Variants in SORCS1 observed in about 807,000 individuals in gnomAD.
SORCS1 encodes the protein sortilin related VPS10 domain containing receptor 1.
A neutral mutation model predicts 146.1 loss-of-function variants in SORCS1; 60 were observed. The ratio of observed to expected loss-of-function variants is 0.41; its 90% CI spans 0.33 to 0.51. The LOEUF is 0.51. SORCS1 is among the 20% of genes least tolerant of loss of function. SORCS1 has a pLI of 0.21. For synonymous variants in SORCS1, 637 were observed against 584.0 expected, an observed-to-expected ratio of 1.09 and a Z score of -1.31; for missense variants, 1,352 against 1,487.6, an observed-to-expected ratio of 0.91 and a Z score of 1.50.
chr10:106,989,616 T>C (rs1390660691), intron 1 of SORCS1, among the ~76,000 whole-genome samples: 3 of 151,464 alleles, frequency 2.0e-5, no homozygotes, highest in African/African-American at 7.3e-5. Context: ...TTTATATACA[T>C]TTATATAAAC....
chr10:107,151,032 A>G (rs1968752587), intron 1 of SORCS1, among the ~76,000 whole-genome samples: 1 of 152,242 alleles, frequency 6.6e-6, no homozygotes, highest in African/African-American at 2.4e-5. Flanking sequence ...AAAAATGTGG[A>G]AACAACTTTG....
At position 106,573,708 on chromosome 10, in the gene SORCS1, A is replaced by C. The variant is rs1844467152; in HGVS notation, c.*3712T>G. Reference sequence around the variant, plus strand: ...TTTAATAAACAGACATTGTATAGTTAATTGAAATGCAGGTAGAATTCAGGT... The same window carrying C: ...TTTAATAAACAGACATTGTATAGTTCATTGAAATGCAGGTAGAATTCAGGT... On this transcript the variant is annotated 3_prime_UTR_variant, in exon 26 of 26. Transcript: ENST00000263054. 6.6e-6 allele frequency: 1 copy of C among 152,252 alleles called. No homozygotes were observed. Among genetic ancestry groups the C allele is most frequent in the African/African-American group, 2.4e-5 (1 of 41,468 alleles). The allele number at this position is 152,252 out of a possible 1,614,324, so 9.4% of individuals were successfully genotyped here. A position where few individuals can be genotyped will look rare whatever the true frequency, so the allele number is the denominator to read the frequency against.
intron 2 of SORCS1, among the ~76,000 whole-genome samples, chr10:106,853,309 G>C (rs1949661286): frequency 6.6e-6 from 1 of 151,636 alleles, no homozygotes; most frequent in African/African-American, 2.4e-5. Context: ...AGGATCTGTA[G>C]TGCTCTCTCC....
rs139209901 is a variant in SORCS1, at chr10:107,148,081, C to T, written c.558+15888G>A. 1.4e-3 allele frequency among the ~76,000 whole-genome samples: 206 copies of T among 152,220 alleles called. 2 individuals are homozygous for T. Among genetic ancestry groups the T allele is most frequent in the Admixed American group, 9.2e-3 (141 of 15,292 alleles). On this transcript the variant is annotated intron_variant, in intron 1 of 25. Transcript: ENST00000263054. ...GGCAGCTTGAGCAAAGGGGCAGGGA[C>T]GGAAAATAAATGATCCACTTTGTGA...
At chr10:106,626,941 C>T (rs1020003062) in intron 19 of SORCS1, among the ~76,000 whole-genome samples, 3 of 152,164 alleles carry the variant, frequency 2.0e-5, no homozygotes, top group African/African-American at 7.2e-5. Context: ...AATCAGAACA[C>T]GAAACATTCC....
intron 2 of SORCS1, among the ~76,000 whole-genome samples, chr10:106,868,030 A>G (rs1309035998): frequency 2.0e-5 from 3 of 152,222 alleles, no homozygotes; most frequent in Non-Finnish European, 4.4e-5. Context: ...TAGGAAACAG[A>G]AAAAAGCAGA....
At chr10:107,016,204 G>A (rs1957890444) in intron 1 of SORCS1, among the ~76,000 whole-genome samples, 2 of 152,262 alleles carry the variant, frequency 1.3e-5, no homozygotes, top group South Asian at 2.1e-4. Context: ...CAAGACATAC[G>A]TGCATAATAT....
intron 1 of SORCS1, among the ~76,000 whole-genome samples, chr10:106,969,395 T>C (rs1002464465): frequency 1.3e-5 from 2 of 152,184 alleles, no homozygotes. Flanking sequence ...ATAAGGAATA[T>C]CTGAGAGCAA....
chr10:107,037,904 G>A (rs1370427711), intron 1 of SORCS1, among the ~76,000 whole-genome samples: 1 of 152,176 alleles, frequency 6.6e-6, no homozygotes. Context: ...TTGGCTCATT[G>A]CAGCCTCCGC....
intron 1 of SORCS1, among the ~76,000 whole-genome samples, chr10:107,010,864 TCA>T (rs1456404487): frequency 6.6e-6 from 1 of 152,166 alleles, no homozygotes; most frequent in Non-Finnish European, 1.5e-5. Flanking sequence ...GCAGATAATT[TCA>T]GTTTCTCTCA....
At chr10:106,888,870 G>T (rs71475427) in intron 2 of SORCS1, among the ~76,000 whole-genome samples, 5,173 of 152,206 alleles carry the variant, frequency 0.034, 104 homozygotes, top group South Asian at 0.047. Context: ...AGTTTACGCT[G>T]GATAAACTAA....
At chr10:106,890,923 C>T (rs1951205902) in intron 2 of SORCS1, among the ~76,000 whole-genome samples, 1 of 152,006 alleles carries the variant, frequency 6.6e-6, no homozygotes, top group Non-Finnish European at 1.5e-5. Flanking sequence ...ATCGATTCTA[C>T]TTTATAGTAA....
At chr10:106,914,829 C>A (rs891572648) in intron 2 of SORCS1, among the ~76,000 whole-genome samples, 5 of 152,156 alleles carry the variant, frequency 3.3e-5, no homozygotes, top group African/African-American at 1.2e-4. Context: ...CTCATGCTGG[C>A]AAATCTGATT....
intron 1 of SORCS1, among the ~76,000 whole-genome samples, chr10:107,096,660 C>T (rs963838459): frequency 4.6e-5 from 7 of 152,090 alleles, no homozygotes; most frequent in Admixed American, 3.9e-4. Context: ...CATAGACACC[C>T]GCCACCATGC....
At chr10:106,806,367 CAAAAATAAAATAAAAT>C (rs1224633960) in intron 3 of SORCS1, among the ~76,000 whole-genome samples, 1 of 100,866 alleles carries the variant, frequency 9.9e-6, no homozygotes, top group African/African-American at 3.4e-5. Context: ...GACTCCTCCT[CAAAAATAAAATAAAAT>C]AAAAATAAAA....
chr10:106,746,353 A>G (rs1857743743), intron 5 of SORCS1, among the ~76,000 whole-genome samples: 1 of 152,232 alleles, frequency 6.6e-6, no homozygotes, highest in Non-Finnish European at 1.5e-5. Context: ...CAATTCTAAA[A>G]TTATTTTTAA....
chr10:106,784,641 G>C (rs1945973943), intron 3 of SORCS1, among the ~76,000 whole-genome samples: 1 of 152,000 alleles, frequency 6.6e-6, no homozygotes, highest in Admixed American at 6.6e-5. Context: ...ATGCCAAAAG[G>C]TTACATCATT....
chr10:106,652,143 A>G (rs1047819566), intron 18 of SORCS1, among the ~76,000 whole-genome samples: 1 of 152,248 alleles, frequency 6.6e-6, no homozygotes, highest in Non-Finnish European at 1.5e-5. Context: ...AGATCCTCCA[A>G]GAGTAAGAGA....
intron 1 of SORCS1, among the ~76,000 whole-genome samples, chr10:107,038,958 T>A (rs1395179736): frequency 1.3e-5 from 2 of 151,868 alleles, no homozygotes; most frequent in African/African-American, 2.4e-5. Context: ...AAGCAAAACA[T>A]AAATAAACTA....
Sources: gnomAD v4.1 joint callset for allele counts (sites outside exome capture counted in the v4.1 genomes callset) on GRCh38, gnomAD v4.1.1 for gene constraint, MANE v1.5 for transcripts, NCBI Gene and HGNC (gene_info 2026-07-23, HGNC 2026-07-21) for gene names.